The following PCGF1 variants were observed in gnomAD, a reference collection of about 807,000 sequenced individuals.
The protein encoded by PCGF1 is polycomb group ring finger 1.
Under a neutral mutation model 38.8 loss-of-function variants are expected in PCGF1, and 10 were observed. The ratio of observed to expected loss-of-function variants is 0.26; its 90% CI spans 0.16 to 0.44. The LOEUF (loss-of-function observed/expected upper bound fraction) is 0.44, where lower values mean the gene tolerates loss of function less well. Among genes scored for constraint, PCGF1 ranks in the 20% least tolerant of loss-of-function variants. The pLI is 1.00. For synonymous variants in PCGF1, 119 were observed against 121.3 expected (o/e 0.98, Z 0.12); for missense variants, 230 against 331.5 (o/e 0.69, Z 2.38).
Position 74,506,631 on chromosome 2 carries a change from T to C in PCGF1, c.352+101A>G, listed in dbSNP as rs1177022931. The C allele has an allele frequency of 2.3e-6, 3 of 1,325,952 alleles. No homozygotes were observed. In the East Asian group the frequency reaches 6.9e-5, roughly 31 times the overall value. 82.1% of individuals were successfully genotyped at this position (1,325,952 alleles called of 1,614,324 possible). A position where few individuals can be genotyped will look rare whatever the true frequency, so the allele number is the denominator to read the frequency against. ...CTCACTTTTTGTCCTTCCCTCATCT[T>C]TGGCCTTCTGCCTACGTGAGTCCTA... On this transcript the variant is annotated intron_variant, in intron 3 of 8. Coordinates refer to ENST00000233630, the MANE Select transcript of PCGF1 (RefSeq NM_032673.3).
chr2:74,507,647 G>C lies in PCGF1; in HGVS notation c.22C>G (p.Gln8Glu), dbSNP rs750732076. 1.6e-5 allele frequency: 25 copies of C among 1,569,088 alleles called. No homozygotes were observed. Among genetic ancestry groups the C allele is most frequent in the Non-Finnish European group, 2.0e-5 (23 of 1,157,746 alleles). Reference protein sequence around the residue: MASPQGGQIAIAMRLRNQ... With the variant: MASPQGGEIAIAMRLRNQ... ...CGAAGCCTCATCGCGATCGCAATCTGGCCCCCCTGAGGAGACGCCATCTTA... is the reference window on the plus strand; with the variant it reads ...CGAAGCCTCATCGCGATCGCAATCTCGCCCCCCTGAGGAGACGCCATCTTA... The change falls in exon 1 of 9, where the codon CAG becomes GAG. Residue 8 changes from glutamine to glutamate, a missense_variant. Gln to Glu is a conservative substitution (Grantham distance 29, BLOSUM62 2). Coordinates refer to ENST00000233630, the MANE Select transcript of PCGF1 (RefSeq NM_032673.3).
chr2:74,507,108 T>C lies in PCGF1; in HGVS notation c.133A>G (p.Ile45Val), dbSNP rs1674653265. 6.2e-7 allele frequency: 1 copy of C among 1,614,218 alleles called. No homozygotes were observed. Among genetic ancestry groups the C allele is most frequent in the South Asian group, 1.1e-5 (1 of 91,092 alleles). The change falls in exon 2 of 9, where the codon ATT (isoleucine) becomes GTT (valine). Residue 45 changes from isoleucine to valine, a missense_variant. Physicochemically the swap from Ile to Val is conservative, Grantham distance 29. Transcript: ENST00000233630. ...TAGCCGGCGCATAGGCAGCAAACAA[T>C]GTGTTCATTCAAGTCTTTGATCTTC... is the stretch of plus-strand genomic sequence containing the variant. ...RVKIKDLNEH[I>V]VCCLCAGYFV...
At chr2:74,506,495 A>G in intron 3 of PCGF1, 1 of 613,832 alleles carries the variant, frequency 1.6e-6, no homozygotes. Flanking sequence ...GGAGAATGGC[A>G]TGAATCCAGG....
At chr2:74,505,491 C>G in intron 7 of PCGF1, 61 bp downstream of exon 7, 1 of 1,610,588 alleles carries the variant, frequency 6.2e-7, no homozygotes, top group South Asian at 1.1e-5. Context: ...CCACCCTAGA[C>G]TCTGTCCCTC....
At chr2:74,505,831 C>A in intron 5 of PCGF1, 61 bp from the exon 6 acceptor site, 1 of 1,609,074 alleles carries the variant, frequency 6.2e-7, no homozygotes, top group Non-Finnish European at 8.5e-7. Context: ...CCACCCAGAG[C>A]CATGATATAC....
chr2:74,506,401 C>A, intron 3 of PCGF1, 149 bp from the exon 4 acceptor site: 1 of 721,462 alleles, frequency 1.4e-6, no homozygotes, highest in Admixed American at 2.7e-5. Flanking sequence ...CATGGTGAAA[C>A]CCCGTCTCTA....
At chr2:74,507,524 C>G in intron 1 of PCGF1, 52 bp downstream of exon 1, 1 of 1,547,652 alleles carries the variant, frequency 6.5e-7, no homozygotes, top group Non-Finnish European at 8.7e-7. Context: ...CTTTAGCCCG[C>G]CCCAATTCGC....
chr2:74,505,703 T>C (rs1244114389), intron 6 of PCGF1, 34 bp downstream of exon 6: 2 of 1,613,938 alleles, frequency 1.2e-6, no homozygotes, highest in Non-Finnish European at 1.7e-6. Context: ...GAGGTGAGTC[T>C]CCTTAGAGAG....
chr2:74,507,319 G>A (rs1674663344), intron 1 of PCGF1, 172 bp from the exon 2 acceptor site: 11 of 1,459,062 alleles, frequency 7.5e-6, no homozygotes, highest in South Asian at 1.4e-5. Context: ...CCAGCAGAGG[G>A]CTCCGCGCAC....
At chr2:74,505,916 A>C (rs780004550) in intron 5 of PCGF1, 36 bp downstream of exon 5, 2 of 1,610,220 alleles carry the variant, frequency 1.2e-6, no homozygotes, top group African/African-American at 2.7e-5. Context: ...GGTCATTGGC[A>C]CTGTCACCTC....
chr2:74,506,137 A>G, intron 4 of PCGF1, 44 bp downstream of exon 4: 2 of 1,612,750 alleles, frequency 1.2e-6, no homozygotes, highest in Non-Finnish European at 1.7e-6. Context: ...ACTGGGCAAG[A>G]AGAATGCTCT....
intron 4 of PCGF1, 52 bp from the exon 5 acceptor site, chr2:74,506,109 C>G: frequency 1.2e-6 from 2 of 1,612,664 alleles, no homozygotes; most frequent in South Asian, 2.2e-5. Flanking sequence ...CCATACTCCT[C>G]TTTCCCCAGA....
chr2:74,505,055 G>A lies in PCGF1; in HGVS notation c.*88C>T. ...GGCAGAAGAGAGGTGCTTTTTAAAA[G>A]TTTTTATTTCAAAAAATAAAGCTGC... On this transcript the variant is annotated 3_prime_UTR_variant, in exon 9 of 9. Transcript: ENST00000233630. 1 of 1,355,546 alleles carries A rather than the reference G, an allele frequency of 7.4e-7. No homozygotes were observed. Among genetic ancestry groups the A allele is most frequent in the Non-Finnish European group, 9.8e-7 (1 of 1,024,280 alleles). The allele number at this position is 1,355,546 out of a possible 1,614,324, so 84.0% of individuals were successfully genotyped here.
At position 74,505,782 on chromosome 2, in the gene PCGF1, T is replaced by TA; in HGVS notation, c.531-13dup. ...TGTCTTTGCCAGAACTGGGGGGAAA[T>TA]AGACACAGGTTAGGGAATCCTATCT... is the stretch of plus-strand genomic sequence containing the variant. On this transcript the variant is annotated splice_polypyrimidine_tract_variant and intron_variant, in intron 5 of 8. Transcript: ENST00000233630. The TA allele has an allele frequency of 6.2e-7, 1 of 1,613,988 alleles. No individual in the cohort carries two copies. The highest frequency in any genetic ancestry group is 8.5e-7 in the Non-Finnish European group (1 of 1,179,952).
At chr2:74,507,192 A>G (rs3192661) in intron 1 of PCGF1, 45 bp from the exon 2 acceptor site, 49 of 1,586,156 alleles carry the variant, frequency 3.1e-5, no homozygotes, top group Non-Finnish European at 4.1e-5. Context: ...CTCAAACCCC[A>G]ACCCGTGCGC....
intron 1 of PCGF1, 96 bp downstream of exon 1, chr2:74,507,480 G>A: frequency 1.3e-6 from 2 of 1,516,016 alleles, no homozygotes; most frequent in Non-Finnish European, 1.8e-6. Context: ...TCTCTGCGCA[G>A]GCGCACTGGG....
chr2:74,505,702 C>T lies in PCGF1; in HGVS notation c.564+35G>A. 4 of 1,614,004 alleles carry T rather than the reference C, an allele frequency of 2.5e-6. 1 individual carries two copies. The highest frequency in any genetic ancestry group is 3.4e-6 in the Non-Finnish European group (4 of 1,179,940). On this transcript the variant is annotated intron_variant, in intron 6 of 8. Transcript: ENST00000233630. Reference sequence around the variant, plus strand: ...GAGGGAAGGACCATGGGAGGTGAGTCTCCTTAGAGAGGCCCTCCCCTCAGC... The same window carrying T: ...GAGGGAAGGACCATGGGAGGTGAGTTTCCTTAGAGAGGCCCTCCCCTCAGC...
intron 7 of PCGF1, 57 bp downstream of exon 7, chr2:74,505,495 G>A: frequency 1.9e-6 from 3 of 1,610,238 alleles, no homozygotes; most frequent in Non-Finnish European, 2.5e-6. Flanking sequence ...CCTAGACTCT[G>A]TCCCTCCTTT....
rs1319435612 is a variant in PCGF1, at chr2:74,505,290, G to C, written c.732+49C>G. ...TTCCCCTGAGGACTGTAGGATGGTT[G>C]GGGGGAGTCTGAAGGGGGTGTGATC... On this transcript the variant is annotated intron_variant, in intron 8 of 8. Transcript: ENST00000233630. The C allele has an allele frequency of 4.4e-6, 7 of 1,582,730 alleles. No individual in the cohort carries two copies. In the Admixed American group the frequency reaches 1.3e-4, roughly 29 times the overall value.
Sources: gnomAD v4.1 joint callset for allele counts on GRCh38, gnomAD v4.1.1 for gene constraint, MANE v1.5 for transcripts, NCBI Gene and HGNC (gene_info 2026-07-23, HGNC 2026-07-21) for gene names.